CFTR: variants seen among roughly 807,000 people sequenced by gnomAD.
The protein encoded by CFTR is CF transmembrane conductance regulator.
A neutral mutation model predicts 171.6 loss-of-function variants in CFTR; 181 were observed. The observed-to-expected ratio is 1.05, with a 90% CI of 0.93 to 1.19. The LOEUF (loss-of-function observed/expected upper bound fraction) is 1.19, where lower values mean the gene tolerates loss of function less well. CFTR is among the 50% of genes most tolerant of loss of function. The pLI is 0.00. For synonymous variants in CFTR, 583 were observed against 608.0 expected (o/e 0.96, Z 0.60); for missense variants, 1,968 against 1,734.7 (o/e 1.13, Z -2.39).
At chr7:117,480,818 G>A (rs1584764956) in intron 1 of CFTR, among the ~76,000 whole-genome samples, 2 of 152,100 alleles carry the variant, frequency 1.3e-5, no homozygotes, top group East Asian at 3.9e-4. Context: ...TGTATTCATA[G>A]CCTAATGTGA....
At chr7:117,607,600 T>C (rs1485646562) in intron 18 of CFTR, among the ~76,000 whole-genome samples, 1 of 152,222 alleles carries the variant, frequency 6.6e-6, no homozygotes, top group East Asian at 1.9e-4. Context: ...GAATAGGATG[T>C]TGCCCATGTT....
chr7:117,664,774 C>T lies in CFTR; in HGVS notation c.4050C>T (p.His1350=). 2 of 1,614,018 alleles carry T rather than the reference C, an allele frequency of 1.2e-6. No homozygotes were observed. The highest frequency in any genetic ancestry group is 1.7e-6 in the Non-Finnish European group (2 of 1,179,908). Residue 1350 remains histidine (H), a synonymous_variant, in exon 25 of 27, where the codon CAC becomes CAT. Transcript: ENST00000003084. ...VDGGCVLSHG[H]KQLMCLARSV... The stretch of plus-strand genomic sequence containing the variant: ...GGGGCTGTGTCCTAAGCCATGGCCA[C>T]AAGCAGTTGATGTGCTTGGCTAGAT...
chr7:117,518,655 T>A (rs1177239840), intron 3 of CFTR, among the ~76,000 whole-genome samples: 1 of 151,096 alleles, frequency 6.6e-6, no homozygotes, highest in East Asian at 1.9e-4. Flanking sequence ...GGTCTCAAAC[T>A]CCTGGGCTCA....
chr7:117,548,734 C>A lies in CFTR; in HGVS notation c.1303C>A (p.Leu435Ile). Residue 435 changes from leucine (L) to isoleucine (I), a missense_variant, in exon 10 of 27, where the codon CTT becomes ATT. Coordinates refer to ENST00000003084, the MANE Select transcript of CFTR (RefSeq NM_000492.4). Reference protein sequence around the residue: ...DDSLFFSNFSLLGTPVLKDIN... With the variant: ...DDSLFFSNFSILGTPVLKDIN... ...CAGCCTCTTCTTCAGTAATTTCTCA[C>A]TTCTTGGTACTCCTGTCCTGAAAGA... 1.9e-6 allele frequency: 3 copies of A among 1,613,156 alleles called. No individual in the cohort carries two copies. The highest frequency in any genetic ancestry group is 1.7e-6 in the Non-Finnish European group (2 of 1,179,490).
chr7:117,558,678 T>A (rs1369770592), intron 10 of CFTR, among the ~76,000 whole-genome samples: 1 of 152,206 alleles, frequency 6.6e-6, no homozygotes, highest in African/African-American at 2.4e-5. Context: ...ATCTTTGTAT[T>A]GTTAAATCTG....
intron 1 of CFTR, among the ~76,000 whole-genome samples, chr7:117,501,781 A>C (rs13437792): frequency 0.17 from 23,464 of 138,682 alleles, 1,670 homozygotes; most frequent in Non-Finnish European, 0.19. Context: ...AGAAACAAAA[A>C]AAAAAAAAAA....
intron 11 of CFTR, among the ~76,000 whole-genome samples, chr7:117,567,797 A>G (rs1791626555): frequency 1.3e-5 from 2 of 152,210 alleles, no homozygotes; most frequent in African/African-American, 4.8e-5. Flanking sequence ...CCTGTCCTCA[A>G]GGAGCTTTCA....
chr7:117,584,657 CT>C (rs1228785632), intron 11 of CFTR, among the ~76,000 whole-genome samples: 24 of 152,044 alleles, frequency 1.6e-4, no homozygotes, highest in Admixed American at 5.9e-4. Flanking sequence ...TATGTGGGCT[CT>C]TTTTTAGTTC....
intron 8 of CFTR, among the ~76,000 whole-genome samples, chr7:117,541,187 A>C (rs887449678): frequency 2.6e-5 from 4 of 152,172 alleles, no homozygotes; most frequent in African/African-American, 9.7e-5. Context: ...GCTCTGAATC[A>C]TAGTAAGTAG....
At chr7:117,485,706 T>A (rs1331043010) in intron 1 of CFTR, among the ~76,000 whole-genome samples, 2 of 151,924 alleles carry the variant, frequency 1.3e-5, no homozygotes, top group Non-Finnish European at 2.9e-5. Context: ...TTTTTCAGAG[T>A]TTTTCACAGC....
chr7:117,618,262 G>GAAGGC, intron 21 of CFTR, among the ~76,000 whole-genome samples: 1 of 152,080 alleles, frequency 6.6e-6, no homozygotes, highest in Non-Finnish European at 1.5e-5. Context: ...GCCGAGGCAG[G>GAAGGC]CGAATTACTT....
intron 23 of CFTR, among the ~76,000 whole-genome samples, chr7:117,645,058 G>A (rs1169428796): frequency 1.3e-5 from 2 of 152,104 alleles, no homozygotes; most frequent in Non-Finnish European, 2.9e-5. Context: ...TTCTTGCAAC[G>A]AGTCTTTATG....
intron 3 of CFTR, among the ~76,000 whole-genome samples, chr7:117,520,601 G>A (rs1349422085): frequency 2.0e-5 from 3 of 151,752 alleles, no homozygotes; most frequent in African/African-American, 7.3e-5. Context: ...ACATGTGCTT[G>A]GACATGTTCC....
intron 11 of CFTR, among the ~76,000 whole-genome samples, chr7:117,565,762 A>G (rs1056210224): frequency 9.2e-5 from 14 of 152,300 alleles, no homozygotes; most frequent in African/African-American, 1.9e-4. Flanking sequence ...GGCAGTTTTC[A>G]TATTTAAGCC....
At chr7:117,577,787 T>C (rs1433482483) in intron 11 of CFTR, among the ~76,000 whole-genome samples, 1 of 152,142 alleles carries the variant, frequency 6.6e-6, no homozygotes, top group Non-Finnish European at 1.5e-5. Flanking sequence ...ACCATTGTTA[T>C]TATGTAACAG....
At chr7:117,591,783 AC>A in intron 13 of CFTR, 150 bp from the exon 14 acceptor site, 2 of 490,502 alleles carry the variant, frequency 4.1e-6, no homozygotes, top group Middle Eastern at 1.1e-3. Flanking sequence ...CAATTTAATT[AC>A]TACAGAGTAC....
At chr7:117,578,342 C>T (rs1456840671) in intron 11 of CFTR, among the ~76,000 whole-genome samples, 1 of 151,902 alleles carries the variant, frequency 6.6e-6, no homozygotes, top group Non-Finnish European at 1.5e-5. Flanking sequence ...TTTCTTTTTC[C>T]CCATGGTTTT....
intron 11 of CFTR, among the ~76,000 whole-genome samples, chr7:117,570,096 G>A (rs1286318671): frequency 1.3e-5 from 2 of 151,064 alleles, no homozygotes; most frequent in Non-Finnish European, 2.9e-5. Flanking sequence ...CATCCATGCT[G>A]CCATTTCTCT....
intron 17 of CFTR, among the ~76,000 whole-genome samples, chr7:117,606,123 A>T (rs1264574847): frequency 6.6e-6 from 1 of 152,158 alleles, no homozygotes; most frequent in East Asian, 1.9e-4. Context: ...CGTGATTCAG[A>T]TGACAGGTTG....
Sources: allele counts gnomAD v4.1 joint callset (sites outside exome capture counted in the v4.1 genomes callset), GRCh38; gene constraint gnomAD v4.1.1; transcripts MANE v1.5; gene names NCBI Gene and HGNC (gene_info 2026-07-23, HGNC 2026-07-21).